TBC1D9: variants seen among roughly 807,000 people sequenced by gnomAD.
The protein encoded by TBC1D9 is TBC1 domain family member 9, also known as TBC1 domain family member 9A.
A neutral mutation model predicts 132.0 loss-of-function variants in TBC1D9; 63 were observed. The ratio of observed to expected loss-of-function variants is 0.48; its 90% CI spans 0.39 to 0.59. TBC1D9 has a LOEUF of 0.59. TBC1D9 is among the 20% of genes least tolerant of loss of function. The pLI, the probability that TBC1D9 is intolerant of heterozygous loss-of-function variation, is 0.00. For missense variants in TBC1D9, 1,261 were observed against 1,592.7 expected (o/e 0.79, Z 3.54); for synonymous variants, 610 against 609.9 (o/e 1.00, Z 0.00).
rs35813378 is a variant in TBC1D9, at chr4:140,641,090, C to CAAAAAAAAAAAAAAA, written c.2338-1663_2338-1662insTTTTTTTTTTTTTTT. Among the ~76,000 whole-genome samples, 91 of 34,982 alleles carry CAAAAAAAAAAAAAAA rather than the reference C, an allele frequency of 2.6e-3. 2 individuals carry two copies. The highest frequency in any genetic ancestry group is 3.1e-3 in the Non-Finnish European group (63 of 20,162). 22.9% of individuals were successfully genotyped at this position (34,982 alleles called of 152,430 possible). On this transcript the variant is annotated intron_variant, in intron 13 of 20. Coordinates refer to ENST00000442267, the MANE Select transcript of TBC1D9 (RefSeq NM_015130.3). Reference sequence around the variant, plus strand: ...TAAATCTTACAATCATAATACTAAGCAAAAAAAAAAAAAACAAAAAAAAAC... The same window carrying CAAAAAAAAAAAAAAA: ...TAAATCTTACAATCATAATACTAAGCAAAAAAAAAAAAAAAAAAAAAAAAAAAAACAAAAAAAAAC...
At chr4:140,653,494 G>T (rs559017361) in intron 13 of TBC1D9, among the ~76,000 whole-genome samples, 61 of 152,180 alleles carry the variant, frequency 4.0e-4, no homozygotes, top group African/African-American at 1.4e-3. Flanking sequence ...GTACTCTTGG[G>T]CTTCATGCCT....
intron 9 of TBC1D9, among the ~76,000 whole-genome samples, chr4:140,664,940 C>G (rs571044631): frequency 5.1e-4 from 78 of 151,852 alleles, no homozygotes; most frequent in Non-Finnish European, 9.3e-4. Flanking sequence ...AACCCCGTGT[C>G]TACTGAAAAT....
At chr4:140,743,474 G>C (rs934941335) in intron 1 of TBC1D9, among the ~76,000 whole-genome samples, 2 of 152,212 alleles carry the variant, frequency 1.3e-5, no homozygotes, top group African/African-American at 2.4e-5. Context: ...ATGTCCAACA[G>C]GTGGAGCTGT....
chr4:140,720,835 T>C (rs1738412146), intron 1 of TBC1D9, among the ~76,000 whole-genome samples: 1 of 152,208 alleles, frequency 6.6e-6, no homozygotes, highest in African/African-American at 2.4e-5. Flanking sequence ...GCAGGTTTAA[T>C]ATTTTCTGTT....
At chr4:140,698,823 A>G (rs1413387934) in intron 2 of TBC1D9, among the ~76,000 whole-genome samples, 1 of 152,208 alleles carries the variant, frequency 6.6e-6, no homozygotes, top group Non-Finnish European at 1.5e-5. Context: ...CAGGCAATGG[A>G]GCTTGCCAGC....
At chr4:140,712,345 T>G (rs1272057882) in intron 1 of TBC1D9, 1 of 148,108 alleles carries the variant, frequency 6.8e-6, no homozygotes, top group Non-Finnish European at 1.5e-5. Flanking sequence ...TGATGTTTAA[T>G]AACTAGTTTA....
At chr4:140,655,127 G>T (rs186873334) in intron 13 of TBC1D9, among the ~76,000 whole-genome samples, 4 of 152,114 alleles carry the variant, frequency 2.6e-5, no homozygotes, top group African/African-American at 7.2e-5. Flanking sequence ...AGTGTATGTT[G>T]TAAGTATAAA....
In TBC1D9 at chr4:140,679,603, TA is replaced by T. The variant is rs1371772798; in HGVS notation, c.589+11del. ...TTTCCAAAGTTTCCTGCTGAAATTT[TA>T]GATGACTTACCTTCCCTTCCCATAA... On this transcript the variant is annotated intron_variant, in intron 4 of 20. Transcript: ENST00000442267. The T allele has an allele frequency of 1.2e-6, 2 of 1,602,666 alleles. No homozygotes were observed. The highest frequency in any genetic ancestry group is 2.2e-5 in the South Asian group (2 of 90,178).
At chr4:140,670,645 A>G in intron 7 of TBC1D9, 75 bp downstream of exon 7, 1 of 1,250,796 alleles carries the variant, frequency 8.0e-7, no homozygotes, top group Non-Finnish European at 1.2e-6. Context: ...ATCAAACAAA[A>G]TGGGCAAGGA....
At chr4:140,745,727 A>T (rs1351023151) in intron 1 of TBC1D9, among the ~76,000 whole-genome samples, 1 of 152,044 alleles carries the variant, frequency 6.6e-6, no homozygotes, top group Non-Finnish European at 1.5e-5. Context: ...GTTTTGGGGG[A>T]GTCAAAAATT....
intron 13 of TBC1D9, among the ~76,000 whole-genome samples, chr4:140,647,200 A>G (rs1342291867): frequency 6.6e-6 from 1 of 152,186 alleles, no homozygotes; most frequent in Non-Finnish European, 1.5e-5. Flanking sequence ...ATGCCATCTC[A>G]TTTGCACCTT....
intron 13 of TBC1D9, among the ~76,000 whole-genome samples, chr4:140,639,934 C>T (rs1346736756): frequency 6.6e-6 from 1 of 152,124 alleles, no homozygotes; most frequent in Non-Finnish European, 1.5e-5. Context: ...TCCTTCGTAC[C>T]CCCTAAATGT....
intron 3 of TBC1D9, among the ~76,000 whole-genome samples, chr4:140,684,057 C>T (rs141575602): frequency 7.9e-5 from 12 of 151,928 alleles, no homozygotes; most frequent in East Asian, 1.9e-4. Flanking sequence ...GAAAAAAAGA[C>T]GAGAACAAAA....
At chr4:140,632,875 C>T (rs1736819937) in intron 16 of TBC1D9, among the ~76,000 whole-genome samples, 1 of 152,188 alleles carries the variant, frequency 6.6e-6, no homozygotes, top group African/African-American at 2.4e-5. Flanking sequence ...CATTATTACA[C>T]CTAAGAGCTG....
chr4:140,652,244 TAAA>T (rs879361102), intron 13 of TBC1D9, among the ~76,000 whole-genome samples: 1 of 94,888 alleles, frequency 1.1e-5, no homozygotes, highest in African/African-American at 3.6e-5. Context: ...CTGTCTCAAA[TAAA>T]AAAAAAAAAA....
intron 10 of TBC1D9, among the ~76,000 whole-genome samples, chr4:140,660,051 G>A (rs1211474876): frequency 6.6e-6 from 1 of 152,152 alleles, no homozygotes; most frequent in Admixed American, 6.5e-5. Context: ...CTTTTAACCT[G>A]CTAAAATCTC....
At chr4:140,687,780 T>C (rs1737811365) in intron 2 of TBC1D9, among the ~76,000 whole-genome samples, 1 of 152,090 alleles carries the variant, frequency 6.6e-6, no homozygotes, top group African/African-American at 2.4e-5. Flanking sequence ...GGGATGCTTA[T>C]GTGAAGGATG....
chr4:140,636,058 C>A (rs1468331165), intron 15 of TBC1D9, among the ~76,000 whole-genome samples: 1 of 152,148 alleles, frequency 6.6e-6, no homozygotes, highest in Non-Finnish European at 1.5e-5. Flanking sequence ...CTGAACCTGG[C>A]CTGAACATGG....
At chr4:140,696,455 C>CAAAAAAAAA (rs35713619) in intron 2 of TBC1D9, among the ~76,000 whole-genome samples, 6 of 61,586 alleles carry the variant, frequency 9.7e-5, no homozygotes, top group Non-Finnish European at 1.7e-4. Context: ...GAGTCCGTCT[C>CAAAAAAAAA]AAAAAAAAAA....
Sources: allele counts gnomAD v4.1 joint callset (sites outside exome capture counted in the v4.1 genomes callset), GRCh38; gene constraint gnomAD v4.1.1; transcripts MANE v1.5; gene names NCBI Gene and HGNC (gene_info 2026-07-23, HGNC 2026-07-21).